Variants in DNER observed in about 807,000 individuals in gnomAD.
DNER encodes delta/notch like EGF repeat containing.
DNER carries 33 observed loss-of-function variants against 78.2 expected under a neutral mutation model. The ratio of observed to expected loss-of-function variants is 0.42; its 90% CI spans 0.32 to 0.56. The LOEUF (loss-of-function observed/expected upper bound fraction) is 0.56. DNER is among the 20% of genes least tolerant of loss of function. The pLI is 0.11. For synonymous variants in DNER, 417 were observed against 384.8 expected, an observed-to-expected ratio of 1.08 and a Z score of -0.98; for missense variants, 918 against 975.3, an observed-to-expected ratio of 0.94 and a Z score of 0.78.
intron 1 of DNER, among the ~76,000 whole-genome samples, chr2:229,670,388 C>G (rs987425194): frequency 2.6e-5 from 4 of 151,910 alleles, no homozygotes; most frequent in Non-Finnish European, 5.9e-5. Context: ...CCAGCTAAGT[C>G]TATTCATCAT....
At chr2:229,690,640 C>A (rs555661582) in intron 1 of DNER, among the ~76,000 whole-genome samples, 2 of 152,272 alleles carry the variant, frequency 1.3e-5, no homozygotes, top group South Asian at 4.1e-4. Context: ...TTATCAACTA[C>A]ATTCAGGCAC....
At chr2:229,578,198 T>C (rs1276931225) in intron 4 of DNER, among the ~76,000 whole-genome samples, 1 of 152,150 alleles carries the variant, frequency 6.6e-6, no homozygotes, top group African/African-American at 2.4e-5. Flanking sequence ...GGGAGTCCTT[T>C]CTTCTGGCAT....
intron 1 of DNER, among the ~76,000 whole-genome samples, chr2:229,671,794 G>A (rs925877875): frequency 3.9e-5 from 6 of 152,300 alleles, no homozygotes; most frequent in Admixed American, 3.9e-4. Context: ...CTCTACATAT[G>A]CTTCATGGTC....
intron 1 of DNER, among the ~76,000 whole-genome samples, chr2:229,635,291 T>C (rs986044448): frequency 1.4e-5 from 2 of 143,272 alleles, no homozygotes; most frequent in Admixed American, 1.5e-4. Flanking sequence ...CAGCTCTGAC[T>C]GGTCAAACAA....
chr2:229,382,653 G>C (rs1692769531), intron 11 of DNER, among the ~76,000 whole-genome samples: 1 of 151,670 alleles, frequency 6.6e-6, no homozygotes, highest in South Asian at 2.1e-4. Flanking sequence ...AGATCAAGCA[G>C]AAGAAAGGAT....
chr2:229,491,248 C>G (rs551826522), intron 6 of DNER, among the ~76,000 whole-genome samples: 133 of 152,296 alleles, frequency 8.7e-4, no homozygotes, highest in Non-Finnish European at 1.7e-3. Flanking sequence ...AGCAAAATAC[C>G]TGACACTAGG....
At chr2:229,596,892 G>C (rs1485597658) in intron 1 of DNER, among the ~76,000 whole-genome samples, 7 of 147,268 alleles carry the variant, frequency 4.8e-5, no homozygotes, top group Admixed American at 4.7e-4. Flanking sequence ...TCAAAGTAGT[G>C]GATAATGTGA....
chr2:229,545,108 T>C (rs1210203971), intron 5 of DNER, among the ~76,000 whole-genome samples: 1 of 152,098 alleles, frequency 6.6e-6, no homozygotes. Flanking sequence ...TTAACTCCAA[T>C]AGAAATATGT....
At chr2:229,541,937 T>A (rs1696523251) in intron 5 of DNER, among the ~76,000 whole-genome samples, 1 of 147,204 alleles carries the variant, frequency 6.8e-6, no homozygotes, top group East Asian at 1.9e-4. Context: ...ATATTTATAT[T>A]TATATATACT....
chr2:229,605,893 A>G (rs895247149), intron 1 of DNER, among the ~76,000 whole-genome samples: 2 of 152,196 alleles, frequency 1.3e-5, no homozygotes, highest in Admixed American at 6.5e-5. Context: ...CCCTGTCTCA[A>G]AAACAAAGAT....
chr2:229,590,294 TAGG>T (rs1442917664), intron 2 of DNER, among the ~76,000 whole-genome samples: 2 of 152,214 alleles, frequency 1.3e-5, no homozygotes, highest in East Asian at 1.9e-4. Flanking sequence ...TCAAACTTGA[TAGG>T]AGAAGTTCCA....
intron 8 of DNER, among the ~76,000 whole-genome samples, chr2:229,434,284 G>A (rs1017874492): frequency 6.6e-6 from 1 of 152,120 alleles, no homozygotes; most frequent in Non-Finnish European, 1.5e-5. Context: ...TGCCATTCTC[G>A]AGTAAATATG....
chr2:229,386,330 T>C (rs1692864451), intron 11 of DNER, among the ~76,000 whole-genome samples: 1 of 152,096 alleles, frequency 6.6e-6, no homozygotes, highest in South Asian at 2.1e-4. Flanking sequence ...TCAAGATGGA[T>C]AAAAGACTTA....
intron 4 of DNER, among the ~76,000 whole-genome samples, chr2:229,564,076 T>A (rs1574905227): frequency 7.2e-6 from 1 of 138,886 alleles, no homozygotes; most frequent in East Asian, 2.4e-4. Context: ...ATCATCATCA[T>A]CCTCACCCCA....
intron 8 of DNER, among the ~76,000 whole-genome samples, chr2:229,432,513 T>C (rs1368693541): frequency 6.6e-6 from 1 of 152,258 alleles, no homozygotes; most frequent in Admixed American, 6.5e-5. Flanking sequence ...AGAAGAGTTT[T>C]AAAATGTTTA....
chr2:229,365,064 T>C (rs1692314322), intron 12 of DNER, among the ~76,000 whole-genome samples: 1 of 152,154 alleles, frequency 6.6e-6, no homozygotes, highest in Non-Finnish European at 1.5e-5. Context: ...TATTTCACTT[T>C]TACTTCTTAT....
chr2:229,580,030 A>G (rs1697366460), intron 4 of DNER: 1 of 152,188 alleles, frequency 6.6e-6, no homozygotes, highest in African/African-American at 2.4e-5. Context: ...TCTCAAGAGA[A>G]AAAACAAACA....
chr2:229,437,318 A>C (rs769643278), intron 8 of DNER, among the ~76,000 whole-genome samples: 1 of 152,270 alleles, frequency 6.6e-6, no homozygotes, highest in Non-Finnish European at 1.5e-5. Flanking sequence ...AGAGCTCTGA[A>C]TCTTCATTAA....
At chr2:229,496,449 T>C (rs892745799) in intron 6 of DNER, among the ~76,000 whole-genome samples, 6 of 152,200 alleles carry the variant, frequency 3.9e-5, no homozygotes, top group African/African-American at 1.4e-4. Flanking sequence ...TAGTAAGTCC[T>C]CACCTATCAA....
Sources: allele counts gnomAD v4.1 joint callset (sites outside exome capture counted in the v4.1 genomes callset), GRCh38; gene constraint gnomAD v4.1.1; transcripts MANE v1.5; gene names NCBI Gene and HGNC (gene_info 2026-07-23, HGNC 2026-07-21).